GLCE: variants seen among roughly 807,000 people sequenced by gnomAD.
GLCE encodes D-glucuronyl C5-epimerase.
GLCE carries 19 observed loss-of-function variants against 47.9 expected under a neutral mutation model. That is an observed-to-expected ratio of 0.40 (90% CI 0.28 to 0.58). The LOEUF (loss-of-function observed/expected upper bound fraction) is 0.58. Ranked by LOEUF, GLCE falls within the 20% of genes least tolerant of loss-of-function variation. GLCE has a pLI of 0.48. For synonymous variants in GLCE, 245 were observed against 263.4 expected, an observed-to-expected ratio of 0.93 and a Z score of 0.68; for missense variants, 556 against 743.3, an observed-to-expected ratio of 0.75 and a Z score of 2.93.
intron 1 of GLCE, chr15:69,194,442 A>G (rs938454450): frequency 6.6e-6 from 1 of 152,190 alleles, no homozygotes; most frequent in Non-Finnish European, 1.5e-5. Flanking sequence ...TTAGAATATT[A>G]AAGGAGACAG....
chr15:69,249,326 AAC>A (rs1475509734), intron 2 of GLCE, among the ~76,000 whole-genome samples: 3 of 152,156 alleles, frequency 2.0e-5, no homozygotes, highest in African/African-American at 7.2e-5. Context: ...TAGTCTACAT[AAC>A]TTTTTTTTTA....
chr15:69,178,227 G>C (rs1042051517), intron 1 of GLCE, among the ~76,000 whole-genome samples: 4 of 152,082 alleles, frequency 2.6e-5, no homozygotes, highest in African/African-American at 9.7e-5. Context: ...GTAAGAGTAA[G>C]ATCAAAAATC....
chr15:69,206,851 T>C (rs1427411915), intron 1 of GLCE, among the ~76,000 whole-genome samples: 4 of 152,052 alleles, frequency 2.6e-5, no homozygotes, highest in Non-Finnish European at 5.9e-5. Flanking sequence ...TTCAAGGCCT[T>C]CTCAGAGGAT....
chr15:69,267,677 T>C (rs1036220458), intron 4 of GLCE, among the ~76,000 whole-genome samples: 1 of 152,198 alleles, frequency 6.6e-6, no homozygotes, highest in African/African-American at 2.4e-5. Context: ...AAAGTAATAG[T>C]AATAGCACCT....
chr15:69,164,987 A>G (rs539850406), intron 1 of GLCE, among the ~76,000 whole-genome samples: 8 of 152,248 alleles, frequency 5.3e-5, no homozygotes, highest in Non-Finnish European at 1.2e-4. Context: ...TCTGAAGTGC[A>G]AATCTATTCA....
At chr15:69,171,704 G>T (rs921784572) in intron 1 of GLCE, among the ~76,000 whole-genome samples, 1 of 152,166 alleles carries the variant, frequency 6.6e-6, no homozygotes, top group Middle Eastern at 3.4e-3. Context: ...CTCTGGGATA[G>T]ATTCTTTTTA....
At chr15:69,237,547 G>A (rs1428289648) in intron 2 of GLCE, among the ~76,000 whole-genome samples, 10 of 151,920 alleles carry the variant, frequency 6.6e-5, no homozygotes, top group African/African-American at 4.8e-5. Context: ...GCAGTGAGCC[G>A]AGAATGTGCC....
At chr15:69,228,356 A>G (rs1302074006) in intron 2 of GLCE, among the ~76,000 whole-genome samples, 4 of 152,226 alleles carry the variant, frequency 2.6e-5, no homozygotes, top group African/African-American at 9.6e-5. Context: ...GGAAGGGTAT[A>G]CATAAAGTGT....
intron 2 of GLCE, among the ~76,000 whole-genome samples, chr15:69,238,477 A>G (rs922212435): frequency 6.6e-6 from 1 of 152,204 alleles, no homozygotes; most frequent in Non-Finnish European, 1.5e-5. Flanking sequence ...AAGTATATCT[A>G]ATGCTTAGCA....
chr15:69,247,660 A>C (rs544354420), intron 2 of GLCE, among the ~76,000 whole-genome samples: 1 of 152,240 alleles, frequency 6.6e-6, no homozygotes, highest in African/African-American at 2.4e-5. Flanking sequence ...TTTTGTTTTA[A>C]AGTGAGAGAC....
intron 1 of GLCE, among the ~76,000 whole-genome samples, chr15:69,162,636 A>G (rs2051442083): frequency 6.6e-6 from 1 of 151,984 alleles, no homozygotes; most frequent in South Asian, 2.1e-4. Flanking sequence ...GGCTCACTGC[A>G]GCCTCGACCT....
intron 4 of GLCE, among the ~76,000 whole-genome samples, chr15:69,262,455 T>C (rs2053027862): frequency 6.6e-6 from 1 of 152,184 alleles, no homozygotes; most frequent in South Asian, 2.1e-4. Context: ...GCAAAAGAAC[T>C]TTTGGGTGCA....
chr15:69,248,760 C>G (rs2052792695), intron 2 of GLCE, among the ~76,000 whole-genome samples: 2 of 152,122 alleles, frequency 1.3e-5, no homozygotes, highest in Non-Finnish European at 2.9e-5. Context: ...ACCACCACGC[C>G]CAGCTAATTT....
intron 4 of GLCE, among the ~76,000 whole-genome samples, chr15:69,262,314 T>G (rs1210737885): frequency 2.6e-5 from 4 of 152,222 alleles, no homozygotes; most frequent in South Asian, 2.1e-4. Context: ...TCTGTGATAT[T>G]CTGGTACACA....
At chr15:69,181,640 T>G (rs1255254576) in intron 1 of GLCE, among the ~76,000 whole-genome samples, 3 of 152,112 alleles carry the variant, frequency 2.0e-5, no homozygotes, top group Non-Finnish European at 4.4e-5. Flanking sequence ...AAGAGCAGGT[T>G]TGATAGAGTG....
intron 1 of GLCE, among the ~76,000 whole-genome samples, chr15:69,195,564 T>C (rs1478739979): frequency 2.6e-5 from 4 of 152,158 alleles, no homozygotes; most frequent in Non-Finnish European, 5.9e-5. Context: ...TTGTCTACTT[T>C]AGATTATCCA....
chr15:69,262,146 T>C (rs893658166), intron 4 of GLCE, among the ~76,000 whole-genome samples: 2 of 152,204 alleles, frequency 1.3e-5, no homozygotes, highest in Admixed American at 6.5e-5. Context: ...TGTTCTTCAT[T>C]GATGACTGTG....
At chr15:69,211,387 A>G (rs184874300) in intron 2 of GLCE, among the ~76,000 whole-genome samples, 11 of 152,182 alleles carry the variant, frequency 7.2e-5, no homozygotes, top group Non-Finnish European at 1.3e-4. Flanking sequence ...TGTTTTTAAT[A>G]TCTGTTCTAG....
At chr15:69,175,520 T>C (rs182231307) in intron 1 of GLCE, among the ~76,000 whole-genome samples, 118 of 152,318 alleles carry the variant, frequency 7.7e-4, no homozygotes, top group Admixed American at 6.1e-3. Flanking sequence ...ATAGAATATA[T>C]TTTAACATGT....
Sources: gnomAD v4.1 joint callset for allele counts (sites outside exome capture counted in the v4.1 genomes callset) on GRCh38, gnomAD v4.1.1 for gene constraint, MANE v1.5 for transcripts, NCBI Gene and HGNC (gene_info 2026-07-23, HGNC 2026-07-21) for gene names.